The following CCR3 variants were observed in gnomAD, a reference collection of about 807,000 sequenced individuals.
CCR3 encodes the protein C-C motif chemokine receptor 3, also known as C-C chemokine receptor type 3.
For synonymous variants in CCR3, 203 were observed against 179.2 expected (o/e 1.13, Z -1.06); for missense variants, 419 against 437.5 (o/e 0.96, Z 0.38).
At chr3:46,254,575 C>T (rs1268882325) in intron 1 of CCR3, among the ~76,000 whole-genome samples, 5 of 152,098 alleles carry the variant, frequency 3.3e-5, no homozygotes, top group African/African-American at 7.2e-5. Flanking sequence ...GATTTTGGTG[C>T]ACCCATCACC....
At chr3:46,242,037 G>A (rs1281071798), upstream of CCR3, among the ~76,000 whole-genome samples, 2 of 151,854 alleles carry the variant, frequency 1.3e-5, no homozygotes, top group African/African-American at 4.8e-5. Flanking sequence ...AGAGGCTGAG[G>A]CAGGAAAATC....
chr3:46,211,641 T>C (rs1699715860), intron 2 of CCR3, among the ~76,000 whole-genome samples: 1 of 152,130 alleles, frequency 6.6e-6, no homozygotes, highest in Non-Finnish European at 1.5e-5. Flanking sequence ...AGAGCTAAGT[T>C]TGCCTACCCC....
At chr3:46,229,986 A>G (rs929865491) in intron 2 of CCR3, among the ~76,000 whole-genome samples, 5 of 152,274 alleles carry the variant, frequency 3.3e-5, no homozygotes, top group African/African-American at 1.2e-4. Flanking sequence ...GCATTAGGTT[A>G]TGCCTCAGAG....
intron 2 of CCR3, among the ~76,000 whole-genome samples, chr3:46,226,246 T>G (rs7620586): frequency 0.16 from 24,464 of 152,128 alleles, 3,014 homozygotes; most frequent in African/African-American, 0.34. Context: ...AATATAAATT[T>G]CCCTAAACCT....
At chr3:46,239,645 G>T (rs534447925), upstream of CCR3, among the ~76,000 whole-genome samples, 1 of 152,310 alleles carries the variant, frequency 6.6e-6, no homozygotes, top group East Asian at 1.9e-4. Flanking sequence ...ATTTAGTCAT[G>T]TGTGAGCTTG....
At chr3:46,212,373 G>T (rs1426622659) in intron 2 of CCR3, among the ~76,000 whole-genome samples, 1 of 152,148 alleles carries the variant, frequency 6.6e-6, no homozygotes, top group Admixed American at 6.6e-5. Flanking sequence ...AAGTCAGATT[G>T]GTTACTGTCT....
chr3:46,233,415 C>T (rs13096808), intron 2 of CCR3, among the ~76,000 whole-genome samples: 8,558 of 152,256 alleles, frequency 0.056, 361 homozygotes, highest in South Asian at 0.19. Context: ...TGTGGCTTGA[C>T]CTATGCTCTC....
chr3:46,255,334 A>C (rs1700400118), intron 1 of CCR3, among the ~76,000 whole-genome samples: 1 of 150,476 alleles, frequency 6.6e-6, no homozygotes, highest in Non-Finnish European at 1.5e-5. Context: ...ATTTTCTCCC[A>C]ATCTGTTGGT....
intron 1 of CCR3, among the ~76,000 whole-genome samples, chr3:46,246,521 AG>A (rs1241767059): frequency 1.3e-5 from 2 of 152,154 alleles, no homozygotes; most frequent in African/African-American, 4.8e-5. Flanking sequence ...AGGATGAGCT[AG>A]GAAAAGGACT....
At chr3:46,257,291 T>A (rs1173992626) in intron 1 of CCR3, among the ~76,000 whole-genome samples, 1 of 152,202 alleles carries the variant, frequency 6.6e-6, no homozygotes, top group Non-Finnish European at 1.5e-5. Context: ...AAGTATATGC[T>A]GTCCATTTAA....
intron 2 of CCR3, among the ~76,000 whole-genome samples, chr3:46,231,020 G>T (rs13060802): frequency 1.3e-5 from 2 of 152,120 alleles, no homozygotes; most frequent in Non-Finnish European, 2.9e-5. Flanking sequence ...TGCCTCCCGG[G>T]TTCAAACGAT....
chr3:46,217,245 A>C (rs1026042594), intron 2 of CCR3, among the ~76,000 whole-genome samples: 3 of 152,198 alleles, frequency 2.0e-5, no homozygotes, highest in African/African-American at 4.8e-5. Flanking sequence ...TAAAAGTATT[A>C]GTCCAACAGG....
In CCR3 at chr3:46,265,814, A is replaced by G. The variant is rs1700617608; in HGVS notation, c.656A>G (p.Tyr219Cys). The change falls in exon 2 of 2, where the codon TAC (tyrosine) becomes TGC (cysteine). Residue 219 changes from tyrosine to cysteine, a missense_variant. Transcript: ENST00000395940. ...VLPLLVMAIC[Y>C]TGIIKTLLRC... ...CCTCTGCTCGTTATGGCCATCTGCT[A>G]CACAGGAATCATCAAAACGCTGCTG... 2 of 1,614,016 alleles carry G rather than the reference A, an allele frequency of 1.2e-6. No homozygotes were observed. Among genetic ancestry groups the G allele is most frequent in the Non-Finnish European group, 1.7e-6 (2 of 1,179,988 alleles).
upstream of CCR3, among the ~76,000 whole-genome samples, chr3:46,242,132 T>TA (rs34767191): frequency 0.12 from 16,552 of 141,824 alleles, 1,060 homozygotes; most frequent in Non-Finnish European, 0.15. Context: ...AATCCTGTCT[T>TA]AAAAAAAAAA....
intron 1 of CCR3, among the ~76,000 whole-genome samples, chr3:46,248,839 G>A (rs905392278): frequency 8.5e-5 from 13 of 152,184 alleles, no homozygotes; most frequent in Non-Finnish European, 7.3e-5. Flanking sequence ...ATTGAGGATA[G>A]GAGGTTATAT....
chr3:46,250,700 A>G (rs1414651504), intron 1 of CCR3, among the ~76,000 whole-genome samples: 1 of 152,086 alleles, frequency 6.6e-6, no homozygotes, highest in Non-Finnish European at 1.5e-5. Context: ...TAAGTTCTTG[A>G]GGACACAGGC....
intron 1 of CCR3, among the ~76,000 whole-genome samples, chr3:46,249,108 T>TG (rs1360804312): frequency 1.3e-5 from 2 of 151,984 alleles, no homozygotes; most frequent in East Asian, 3.9e-4. Context: ...AAGGGGAGCA[T>TG]GATTGGTCGC....
intron 1 of CCR3, among the ~76,000 whole-genome samples, chr3:46,262,567 A>G (rs1201693272): frequency 1.3e-5 from 2 of 152,160 alleles, no homozygotes; most frequent in Non-Finnish European, 2.9e-5. Flanking sequence ...CCTCTTCACT[A>G]TTTTGTATCT....
At chr3:46,238,700 C>T (rs1308386814), upstream of CCR3, among the ~76,000 whole-genome samples, 3 of 152,172 alleles carry the variant, frequency 2.0e-5, no homozygotes, top group Non-Finnish European at 1.5e-5. Flanking sequence ...TGCCAAGTCA[C>T]AGCGTAGTCA....
Sources: gnomAD v4.1 joint callset for allele counts (sites outside exome capture counted in the v4.1 genomes callset) on GRCh38, gnomAD v4.1.1 for gene constraint, MANE v1.5 for transcripts, NCBI Gene and HGNC (gene_info 2026-07-23, HGNC 2026-07-21) for gene names.